Variants in PDZRN3 observed in about 807,000 individuals in gnomAD.
PDZRN3 encodes the protein PDZ domain containing ring finger 3.
Under a neutral mutation model 85.7 loss-of-function variants are expected in PDZRN3, and 38 were observed. The observed-to-expected ratio is 0.44, with a 90% confidence interval of 0.34 to 0.58. The LOEUF (loss-of-function observed/expected upper bound fraction) is 0.58, where lower values mean the gene tolerates loss of function less well. Ranked by LOEUF, PDZRN3 falls within the 20% of genes least tolerant of loss-of-function variation. The pLI is 0.01. For missense variants in PDZRN3, 1,629 were observed against 1,506.4 expected (o/e 1.08, Z -1.35); for synonymous variants, 759 against 638.0 (o/e 1.19, Z -2.86).
At chr3:73,396,479 A>G (rs924252080) in intron 5 of PDZRN3, among the ~76,000 whole-genome samples, 3 of 152,306 alleles carry the variant, frequency 2.0e-5, no homozygotes, top group East Asian at 3.9e-4. Flanking sequence ...CCCTAGATCT[A>G]TTCCTTGTCC....
chr3:73,503,323 C>A (rs1211697045), intron 3 of PDZRN3, among the ~76,000 whole-genome samples: 1 of 152,122 alleles, frequency 6.6e-6, no homozygotes, highest in African/African-American at 2.4e-5. Flanking sequence ...ATTCTGAGGT[C>A]ATAAATCTGA....
intron 3 of PDZRN3, among the ~76,000 whole-genome samples, chr3:73,505,772 A>T (rs7619904): frequency 0.14 from 20,959 of 151,190 alleles, 1,564 homozygotes; most frequent in South Asian, 0.27. Flanking sequence ...TTGTTTTTTT[A>T]AAAAAAAACA....
At chr3:73,463,945 A>G (rs970893188) in intron 3 of PDZRN3, among the ~76,000 whole-genome samples, 3 of 152,094 alleles carry the variant, frequency 2.0e-5, no homozygotes, top group Non-Finnish European at 2.9e-5. Context: ...CCTGAACTTA[A>G]AAGTTTTAAA....
At chr3:73,499,210 T>C (rs138671214) in intron 3 of PDZRN3, among the ~76,000 whole-genome samples, 1 of 152,322 alleles carries the variant, frequency 6.6e-6, no homozygotes, top group African/African-American at 2.4e-5. Flanking sequence ...GTGCCAGGCA[T>C]TGCTCTGGGC....
intron 3 of PDZRN3, among the ~76,000 whole-genome samples, chr3:73,544,233 G>T (rs1204315056): frequency 6.6e-6 from 1 of 152,190 alleles, no homozygotes; most frequent in African/African-American, 2.4e-5. Context: ...TTAAAGTTTT[G>T]TGTGCTTATC....
chr3:73,571,068 C>A (rs759887088), intron 3 of PDZRN3, among the ~76,000 whole-genome samples: 3 of 152,190 alleles, frequency 2.0e-5, no homozygotes, highest in Non-Finnish European at 4.4e-5. Flanking sequence ...AGTGTATGGA[C>A]TAAGTTTTTG....
chr3:73,583,092 A>C (rs1036620311), intron 3 of PDZRN3, among the ~76,000 whole-genome samples: 16 of 152,326 alleles, frequency 1.1e-4, no homozygotes, highest in South Asian at 8.3e-4. Context: ...CTTGCTACGT[A>C]CTAAGAACTC....
intron 3 of PDZRN3, among the ~76,000 whole-genome samples, chr3:73,412,431 T>C (rs142512013): frequency 3.3e-3 from 501 of 152,350 alleles, no homozygotes; most frequent in African/African-American, 0.011. Context: ...GGAATTGTTA[T>C]CACACGGAGT....
At chr3:73,410,944 A>T (rs7355880) in intron 3 of PDZRN3, among the ~76,000 whole-genome samples, 11,319 of 152,280 alleles carry the variant, frequency 0.074, 632 homozygotes, top group African/African-American at 0.16. Flanking sequence ...TTGAAGCAGT[A>T]GCTCCAGATA....
chr3:73,425,553 C>T (rs1029708878), intron 3 of PDZRN3, among the ~76,000 whole-genome samples: 1 of 151,494 alleles, frequency 6.6e-6, no homozygotes, highest in Admixed American at 6.6e-5. Flanking sequence ...CCATCCTTTA[C>T]CAGTCTGTCA....
rs1018735997 is a variant in PDZRN3 at position 73,401,143 on chromosome 3, A to C, written c.1167-134T>G. The C allele has an allele frequency of 8.9e-6, 6 of 676,946 alleles. No individual in the cohort carries two copies. In the African/African-American group the frequency reaches 1.1e-4, roughly 12 times the overall value. 41.9% of individuals were successfully genotyped at this position (676,946 alleles called of 1,614,324 possible). ...CCTTTCATGACTCACTTCCCTCTGG[A>C]TGGGGCTCTCAGCACGGTCAGGACC... On this transcript the variant is annotated intron_variant, in intron 4 of 9. Coordinates refer to ENST00000263666, the MANE Select transcript of PDZRN3 (RefSeq NM_015009.3).
chr3:73,550,085 T>G (rs944335318), intron 3 of PDZRN3, among the ~76,000 whole-genome samples: 2 of 152,224 alleles, frequency 1.3e-5, no homozygotes, highest in Non-Finnish European at 2.9e-5. Flanking sequence ...GTTGTTTTAC[T>G]TAAAAGCACA....
At chr3:73,549,212 G>C (rs972696442) in intron 3 of PDZRN3, among the ~76,000 whole-genome samples, 1 of 152,326 alleles carries the variant, frequency 6.6e-6, no homozygotes, top group East Asian at 1.9e-4. Flanking sequence ...CTCTGTTCAT[G>C]AAGTCCAGGA....
intron 3 of PDZRN3, among the ~76,000 whole-genome samples, chr3:73,453,424 C>CA (rs372949149): frequency 3.2e-4 from 31 of 96,836 alleles, no homozygotes; most frequent in South Asian, 2.4e-3. Context: ...AAAAAAAAAA[C>CA]AAAAAAAAAA....
intron 4 of PDZRN3, among the ~76,000 whole-genome samples, chr3:73,403,129 G>T (rs886571112): frequency 6.6e-6 from 1 of 152,070 alleles, no homozygotes; most frequent in African/African-American, 2.4e-5. Flanking sequence ...TGTATTTTTA[G>T]TAGAGACGGG....
chr3:73,396,102 A>G (rs1179955529), intron 5 of PDZRN3, among the ~76,000 whole-genome samples: 1 of 152,178 alleles, frequency 6.6e-6, no homozygotes, highest in African/African-American at 2.4e-5. Context: ...ACATACCTGT[A>G]ATCCCAGCTA....
At chr3:73,427,390 G>A (rs1702337609) in intron 3 of PDZRN3, among the ~76,000 whole-genome samples, 1 of 152,168 alleles carries the variant, frequency 6.6e-6, no homozygotes. Flanking sequence ...GCTCTGCTGT[G>A]CCTTCACCCC....
intron 3 of PDZRN3, chr3:73,593,968 C>A (rs928000973): frequency 3.3e-5 from 5 of 152,058 alleles, no homozygotes; most frequent in Non-Finnish European, 7.4e-5. Context: ...AAGTGAAAAA[C>A]CTGCTAGCTA....
intron 3 of PDZRN3, among the ~76,000 whole-genome samples, chr3:73,439,432 G>C (rs868069832): frequency 2.9e-4 from 44 of 152,308 alleles, no homozygotes; most frequent in African/African-American, 3.6e-4. Context: ...CATGGCTAGA[G>C]AGCCCAAATC....
Sources: gnomAD v4.1 joint callset for allele counts (sites outside exome capture counted in the v4.1 genomes callset) on GRCh38, gnomAD v4.1.1 for gene constraint, MANE v1.5 for transcripts, NCBI Gene and HGNC (gene_info 2026-07-23, HGNC 2026-07-21) for gene names.